The following GRM8 variants were observed in gnomAD, a reference collection of about 807,000 sequenced individuals.
The protein encoded by GRM8 is glutamate metabotropic receptor 8.
GRM8 carries 47 observed loss-of-function variants against 87.2 expected under a neutral mutation model. That is an observed-to-expected ratio of 0.54 (90% CI 0.43 to 0.69). The LOEUF (loss-of-function observed/expected upper bound fraction) is 0.69, where lower values mean the gene tolerates loss of function less well. Ranked by LOEUF, GRM8 falls within the 30% of genes least tolerant of loss-of-function variation. GRM8 has a pLI of 0.00. For synonymous variants in GRM8, 396 were observed against 404.5 expected, an observed-to-expected ratio of 0.98 and a Z score of 0.25; for missense variants, 1,019 against 1,139.2, an observed-to-expected ratio of 0.89 and a Z score of 1.52.
chr7:126,534,716 A>G (rs1815415428), intron 8 of GRM8, among the ~76,000 whole-genome samples: 1 of 152,248 alleles, frequency 6.6e-6, no homozygotes, highest in Non-Finnish European at 1.5e-5. Context: ...AGCACCAATC[A>G]TTGATCTCTT....
intron 2 of GRM8, among the ~76,000 whole-genome samples, chr7:127,235,840 C>A (rs922382270): frequency 6.6e-6 from 1 of 152,140 alleles, no homozygotes. Context: ...TCTGTATTAA[C>A]CAACATGGAA....
In GRM8 at chr7:127,243,025, T is replaced by C. The variant is rs754103868; in HGVS notation, c.180A>G (p.Arg60=). 2 of 1,613,778 alleles carry C rather than the reference T, an allele frequency of 1.2e-6. No homozygotes were observed. Among genetic ancestry groups the C allele is most frequent in the Admixed American group, 3.3e-5 (2 of 60,004 alleles). Residue 60 remains arginine (R), a synonymous_variant, in exon 2 of 11, where the codon AGA becomes AGG. Coordinates refer to ENST00000339582, the MANE Select transcript of GRM8 (RefSeq NM_000845.3). ...GLFPVHAKGE[R]GVPCGELKKE... ...TCTTCAGCTCCCCACAAGGCACCCC[T>C]CTCTCTCCCTTTGCGTGGACAGGGA...
At chr7:126,464,790 T>C (rs1804303625) in intron 9 of GRM8, among the ~76,000 whole-genome samples, 1 of 151,770 alleles carries the variant, frequency 6.6e-6, no homozygotes, top group Non-Finnish European at 1.5e-5. Context: ...ACTCTAAACT[T>C]TAACTTCATC....
At chr7:126,623,667 T>C (rs1800401084) in intron 7 of GRM8, among the ~76,000 whole-genome samples, 1 of 152,178 alleles carries the variant, frequency 6.6e-6, no homozygotes, top group Non-Finnish European at 1.5e-5. Flanking sequence ...CTTCAATCAT[T>C]TCTTCCCTAA....
intron 3 of GRM8, among the ~76,000 whole-genome samples, chr7:126,926,911 G>A (rs770762729): frequency 6.6e-6 from 1 of 152,186 alleles, no homozygotes; most frequent in Non-Finnish European, 1.5e-5. Flanking sequence ...CACTGTGTTT[G>A]TCTAGTTCCA....
intron 2 of GRM8, among the ~76,000 whole-genome samples, chr7:127,186,274 G>A (rs1279662321): frequency 6.6e-6 from 1 of 152,174 alleles, no homozygotes; most frequent in African/African-American, 2.4e-5. Context: ...GGATACATAT[G>A]AATGTTCAAA....
At chr7:126,855,760 C>A (rs1037134845) in intron 6 of GRM8, among the ~76,000 whole-genome samples, 8 of 152,134 alleles carry the variant, frequency 5.3e-5, no homozygotes, top group Admixed American at 4.6e-4. Flanking sequence ...CAGGTGTGAG[C>A]CACCATGCCC....
Position 126,485,358 on chromosome 7 carries a change from CA to C in GRM8, c.2431-38987del, listed in dbSNP as rs372792249. Among the ~76,000 whole-genome samples the C allele has an allele frequency of 8.9e-3, 1,123 of 125,818 alleles. 8 individuals carry two copies. The highest frequency in any genetic ancestry group is 0.031 in the African/African-American group (1,050 of 33,470). 82.5% of individuals were successfully genotyped at this position (125,818 alleles called of 152,430 possible). On this transcript the variant is annotated intron_variant, in intron 9 of 10. Coordinates refer to ENST00000339582, the MANE Select transcript of GRM8 (RefSeq NM_000845.3). ...CATACATAGGCAGCAACAACAACAA[CA>C]AAAAAAAAGGGGGTGGGGGGCATGA...
At chr7:127,030,923 C>A (rs953842340) in intron 3 of GRM8, among the ~76,000 whole-genome samples, 1 of 152,116 alleles carries the variant, frequency 6.6e-6, no homozygotes, top group African/African-American at 2.4e-5. Flanking sequence ...TCTTGGCTGA[C>A]CCTCTCTGAA....
At chr7:127,249,592 C>A (rs184177136) in intron 1 of GRM8, among the ~76,000 whole-genome samples, 1 of 152,100 alleles carries the variant, frequency 6.6e-6, no homozygotes, top group East Asian at 1.9e-4. Context: ...GCTCAGCGTC[C>A]CTCCCAGTGA....
chr7:126,619,073 A>G (rs1422851572), intron 7 of GRM8, among the ~76,000 whole-genome samples: 1 of 152,224 alleles, frequency 6.6e-6, no homozygotes, highest in Non-Finnish European at 1.5e-5. Context: ...GCACTTGCAC[A>G]CGTATGTTTA....
intron 2 of GRM8, among the ~76,000 whole-genome samples, chr7:127,138,493 C>T (rs1368034972): frequency 6.6e-6 from 1 of 152,092 alleles, no homozygotes; most frequent in Non-Finnish European, 1.5e-5. Flanking sequence ...AGATTTTCTT[C>T]ATGGCTTCTC....
intron 6 of GRM8, among the ~76,000 whole-genome samples, chr7:126,831,343 T>G (rs1795350414): frequency 6.6e-6 from 1 of 152,202 alleles, no homozygotes. Flanking sequence ...CCTTGAGCTG[T>G]GGTGGGCTCC....
intron 3 of GRM8, among the ~76,000 whole-genome samples, chr7:126,970,140 C>G (rs752298248): frequency 6.6e-6 from 1 of 152,064 alleles, no homozygotes. Flanking sequence ...CTTAAGGGCC[C>G]TAGGGTTTTC....
chr7:126,465,029 C>T (rs1256130130), intron 9 of GRM8, among the ~76,000 whole-genome samples: 1 of 151,588 alleles, frequency 6.6e-6, no homozygotes, highest in Non-Finnish European at 1.5e-5. Flanking sequence ...ACTCTCCTAG[C>T]ATATTTTTTT....
intron 3 of GRM8, among the ~76,000 whole-genome samples, chr7:127,035,829 C>G (rs886717394): frequency 2.6e-5 from 4 of 152,190 alleles, no homozygotes; most frequent in Non-Finnish European, 5.9e-5. Context: ...TACTGCTTCC[C>G]TCTCAGATGG....
intron 6 of GRM8, among the ~76,000 whole-genome samples, chr7:126,881,584 G>T (rs1187696786): frequency 6.6e-6 from 1 of 152,156 alleles, no homozygotes; most frequent in East Asian, 1.9e-4. Flanking sequence ...GAGTGCATGG[G>T]GGCATGGCAA....
At chr7:126,576,596 A>G (rs1298726171) in intron 8 of GRM8, among the ~76,000 whole-genome samples, 3 of 152,046 alleles carry the variant, frequency 2.0e-5, no homozygotes, top group Admixed American at 6.6e-5. Context: ...AGCTTTTAAT[A>G]TCTCTAATAC....
intron 3 of GRM8, among the ~76,000 whole-genome samples, chr7:126,958,458 T>C (rs948598789): frequency 6.6e-6 from 1 of 152,166 alleles, no homozygotes; most frequent in African/African-American, 2.4e-5. Context: ...GTATGTCTGG[T>C]CCAGCCGCAG....
Sources: gnomAD v4.1 joint callset for allele counts (sites outside exome capture counted in the v4.1 genomes callset) on GRCh38, gnomAD v4.1.1 for gene constraint, MANE v1.5 for transcripts, NCBI Gene and HGNC (gene_info 2026-07-23, HGNC 2026-07-21) for gene names.